The following EIF2AK2 variants were observed in gnomAD, a reference collection of about 807,000 sequenced individuals.
The protein encoded by EIF2AK2 is interferon-induced, double-stranded RNA-activated protein kinase.
In EIF2AK2, 40 loss-of-function variants were observed where a neutral mutation model predicts 70.5. The observed-to-expected ratio is 0.57, with a 90% CI of 0.44 to 0.74. The LOEUF is 0.74. Ranked by LOEUF, EIF2AK2 falls within the 30% of genes least tolerant of loss-of-function variation. EIF2AK2 has a pLI of 0.00. For missense variants in EIF2AK2, 555 were observed against 644.3 expected (o/e 0.86, Z 1.50); for synonymous variants, 198 against 220.9 (o/e 0.90, Z 0.92).
intron 11 of EIF2AK2, 103 bp downstream of exon 11, chr2:37,126,186 A>G: frequency 7.1e-7 from 1 of 1,408,256 alleles, no homozygotes; most frequent in South Asian, 1.6e-5. Flanking sequence ...AGGATCAGAA[A>G]GAAATAAATG....
At position 37,138,345 on chromosome 2, in the gene EIF2AK2, A is replaced by G; in HGVS notation, c.612T>C (p.Ser204=). 1.2e-6 allele frequency: 2 copies of G among 1,613,866 alleles called. No homozygotes were observed. The highest frequency in any genetic ancestry group is 1.7e-6 in the Non-Finnish European group (2 of 1,179,886). The change falls in exon 8 of 17, where the codon TCT becomes TCC. Residue 204 remains serine (S), a synonymous_variant. Coordinates refer to ENST00000233057, the MANE Select transcript of EIF2AK2 (RefSeq NM_001135651.3). ...VTSTLASESS[S]EGDFSADTSE... ...ATGTATCTGCTGAGAAGTCACCTTC[A>G]GATGATGATTCAGAAGCGCTAGAAG...
At chr2:37,115,393 G>A (rs900467803) in intron 13 of EIF2AK2, among the ~76,000 whole-genome samples, 3 of 152,030 alleles carry the variant, frequency 2.0e-5, no homozygotes, top group African/African-American at 2.4e-5. Flanking sequence ...GACACCAGAG[G>A]TGGCTCTGGG....
In EIF2AK2 at chr2:37,120,019, T is replaced by G. The variant is rs1674481099; in HGVS notation, c.1188A>C (p.Glu396Asp). ...LDKVLALELF[E>D]QITKGVDYIH... ...TATAATCCACCCCTTTTGTTATTTG[T>G]TCAAAGAGTTCCAAAGCCAAAACTT... The change falls in exon 13 of 17, where the codon GAA becomes GAC. Residue 396 changes from glutamate to aspartate, a missense_variant. Glu to Asp is a conservative substitution (Grantham distance 45). Around this residue, in one of 3 missense-constraint regions of EIF2AK2, gnomAD observed 299 missense variants for 375.4 expected, o/e 0.80. Transcript: ENST00000233057. 1 of 1,557,718 alleles carries G rather than the reference T, an allele frequency of 6.4e-7. No individual in the cohort carries two copies. The highest frequency in any genetic ancestry group is 8.7e-7 in the Non-Finnish European group (1 of 1,148,132).
intron 10 of EIF2AK2, among the ~76,000 whole-genome samples, chr2:37,131,934 C>T (rs776555019): frequency 6.6e-6 from 1 of 152,174 alleles, no homozygotes; most frequent in Non-Finnish European, 1.5e-5. Context: ...ATGTTTATAA[C>T]ATCAACCATT....
At chr2:37,141,143 T>A (rs1675316003) in intron 5 of EIF2AK2, among the ~76,000 whole-genome samples, 1 of 152,232 alleles carries the variant, frequency 6.6e-6, no homozygotes, top group Non-Finnish European at 1.5e-5. Flanking sequence ...GACAAATACC[T>A]GGACAAAGAG....
intron 10 of EIF2AK2, 55 bp from the exon 11 acceptor site, chr2:37,126,466 C>G: frequency 2.5e-6 from 4 of 1,574,860 alleles, no homozygotes; most frequent in Admixed American, 2.0e-5. Flanking sequence ...CCCCACCCCC[C>G]CGCCTCCCCA....
chr2:37,113,854 G>A (rs926519071), intron 14 of EIF2AK2, among the ~76,000 whole-genome samples: 1 of 152,096 alleles, frequency 6.6e-6, no homozygotes, highest in Non-Finnish European at 1.5e-5. Context: ...ACATTTTGAC[G>A]GGACAGTATT....
At chr2:37,113,408 T>A (rs1463251844) in intron 14 of EIF2AK2, among the ~76,000 whole-genome samples, 1 of 150,490 alleles carries the variant, frequency 6.6e-6, no homozygotes, top group East Asian at 1.9e-4. Context: ...GGCAGGAGAA[T>A]TGCTTGAACC....
At chr2:37,140,190 T>C (rs1388726394) in intron 5 of EIF2AK2, among the ~76,000 whole-genome samples, 1 of 152,118 alleles carries the variant, frequency 6.6e-6, no homozygotes, top group East Asian at 1.9e-4. Flanking sequence ...GGTTATAGTG[T>C]AGGGGAAGAG....
At position 37,114,881 on chromosome 2, in the gene EIF2AK2, C is replaced by G; in HGVS notation, c.1249-22G>C. On this transcript the variant is annotated intron_variant, in intron 13 of 16. Coordinates refer to ENST00000233057, the MANE Select transcript of EIF2AK2 (RefSeq NM_001135651.3). ...TTGGCTATGAAAAAAAAAAATTTAA[C>G]TTACATGTACCAACTTAACATACTA... The G allele has an allele frequency of 2.0e-6, 3 of 1,467,880 alleles. 1 individual carries two copies. The highest frequency in any genetic ancestry group is 2.7e-5 in the South Asian group (2 of 75,306). The allele number at this position is 1,467,880 out of a possible 1,614,324, so 90.9% of individuals were successfully genotyped here. A position where few individuals can be genotyped will look rare whatever the true frequency, so the allele number is the denominator to read the frequency against.
At chr2:37,123,696 T>C (rs928750618) in intron 11 of EIF2AK2, among the ~76,000 whole-genome samples, 1 of 152,174 alleles carries the variant, frequency 6.6e-6, no homozygotes. Context: ...AAGTACCTAA[T>C]TCAGGATTTT....
chr2:37,151,948 C>A (rs981765684), intron 1 of EIF2AK2, among the ~76,000 whole-genome samples: 1 of 152,190 alleles, frequency 6.6e-6, no homozygotes, highest in Non-Finnish European at 1.5e-5. Context: ...CGCCTGTAGT[C>A]CCAGCTACTC....
chr2:37,147,014 A>C, intron 3 of EIF2AK2, 41 bp from the exon 4 acceptor site: 4 of 1,572,084 alleles, frequency 2.5e-6, no homozygotes, highest in Non-Finnish European at 3.5e-6. Context: ...TATACAACTC[A>C]TGCACTATCT....
In EIF2AK2 at chr2:37,114,748, A is replaced by G; in HGVS notation, c.1360T>C (p.Tyr454His). ...KRTRSKGTLR[Y>H]MSPEQISSQD... ...GACCTTACCTGTTCTGGGCTCATGT[A>G]TCGCAAAGTTCCCTTACTCCTTGTT... The change falls in exon 14 of 17, where the codon TAC becomes CAC. Residue 454 changes from tyrosine (Y) to histidine (H), a missense_variant. By Grantham distance (83) the Tyr-to-His change is moderately conservative (BLOSUM62 2). This residue lies in a region of EIF2AK2 where 299 missense variants were observed against 375.4 expected (regional missense o/e 0.80). Transcript: ENST00000233057. 6.3e-7 allele frequency: 1 copy of G among 1,593,480 alleles called. No homozygotes were observed. Among genetic ancestry groups the G allele is most frequent in the East Asian group, 2.3e-5 (1 of 44,080 alleles).
chr2:37,139,498 G>GT (rs1184874571), intron 6 of EIF2AK2, 133 bp downstream of exon 6: 4 of 1,298,214 alleles, frequency 3.1e-6, no homozygotes, highest in Non-Finnish European at 4.2e-6. Flanking sequence ...TGGCTCATCG[G>GT]TACGACACAG....
chr2:37,114,620 AT>A, intron 14 of EIF2AK2, 110 bp downstream of exon 14: 1 of 1,012,236 alleles, frequency 9.9e-7, no homozygotes, highest in Non-Finnish European at 1.3e-6. Flanking sequence ...GGTAAGGAAA[AT>A]TTTTAGTATA....
intron 5 of EIF2AK2, among the ~76,000 whole-genome samples, chr2:37,140,615 C>CA (rs1675297140): frequency 9.3e-5 from 14 of 150,320 alleles, no homozygotes; most frequent in African/African-American, 3.0e-4. Flanking sequence ...CCCCCGCAAA[C>CA]AGATTTCTTC....
chr2:37,117,760 C>T (rs1212773963), intron 13 of EIF2AK2, among the ~76,000 whole-genome samples: 1 of 152,102 alleles, frequency 6.6e-6, no homozygotes, highest in Non-Finnish European at 1.5e-5. Context: ...ACTCCAGAAA[C>T]CCCTATGTCC....
intron 13 of EIF2AK2, among the ~76,000 whole-genome samples, chr2:37,116,324 A>G (rs1462018803): frequency 2.0e-5 from 3 of 152,138 alleles, no homozygotes; most frequent in Admixed American, 2.0e-4. Flanking sequence ...AGCTCAAGCG[A>G]TCCTCCCACC....
Sources: allele counts gnomAD v4.1 joint callset (sites outside exome capture counted in the v4.1 genomes callset), GRCh38; gene constraint gnomAD v4.1.1; regional missense constraint gnomAD v4.1.1; transcripts MANE v1.5; gene names NCBI Gene and HGNC (gene_info 2026-07-23, HGNC 2026-07-21).